TAB2: variants seen among roughly 807,000 people sequenced by gnomAD.
The protein encoded by TAB2 is TGF-beta-activated kinase 1 and MAP3K7-binding protein 2.
Under a neutral mutation model 65.0 loss-of-function variants are expected in TAB2, and 3 were observed. That is an observed-to-expected ratio of 0.05 (90% CI 0.02 to 0.12). TAB2 has a LOEUF of 0.12. TAB2 is among the 10% of genes least tolerant of loss of function. The pLI, the probability that TAB2 is intolerant of heterozygous loss-of-function variation, is 1.00. For missense variants in TAB2, 623 were observed against 840.3 expected (o/e 0.74, Z 3.20); for synonymous variants, 298 against 285.1 (o/e 1.05, Z -0.46).
chr6:149,252,860 A>G (rs1777888852), intron 1 of TAB2, among the ~76,000 whole-genome samples: 1 of 152,202 alleles, frequency 6.6e-6, no homozygotes, highest in Admixed American at 6.5e-5. Flanking sequence ...CACTTGCCCT[A>G]TTTCTCTTCC....
In TAB2 at chr6:149,377,998, A is replaced by G; in HGVS notation, c.103-20A>G. On this transcript the variant is annotated intron_variant, in intron 2 of 6. Transcript: ENST00000637181. ...TCGCTTCTGATTGTTAACATCAATC[A>G]ATTTATTTTGTTTTCATAGAATAAT... 1 of 1,604,578 alleles carries G rather than the reference A, an allele frequency of 6.2e-7. No individual in the cohort carries two copies. Among genetic ancestry groups the G allele is most frequent in the Non-Finnish European group, 8.5e-7 (1 of 1,172,288 alleles).
intron 1 of TAB2, among the ~76,000 whole-genome samples, chr6:149,264,764 T>C (rs943424534): frequency 3.3e-5 from 5 of 152,206 alleles, no homozygotes; most frequent in Non-Finnish European, 7.3e-5. Flanking sequence ...AATGTTTGCA[T>C]GGCAGCCACC....
intron 1 of TAB2, among the ~76,000 whole-genome samples, chr6:149,362,817 A>G (rs1780895547): frequency 6.6e-6 from 1 of 152,118 alleles, no homozygotes; most frequent in Non-Finnish European, 1.5e-5. Context: ...TTTAATATCA[A>G]GGCAGCTTGT....
intron 1 of TAB2, among the ~76,000 whole-genome samples, chr6:149,330,095 CT>C (rs113491144): frequency 2.5e-4 from 37 of 149,188 alleles, no homozygotes; most frequent in African/African-American, 3.4e-4. Context: ...GAGATGGGCT[CT>C]TTTTTTTTTC....
At chr6:149,285,288 C>T (rs1425077494) in intron 1 of TAB2, among the ~76,000 whole-genome samples, 1 of 152,088 alleles carries the variant, frequency 6.6e-6, no homozygotes, top group African/African-American at 2.4e-5. Context: ...AGCAGGGGAC[C>T]CCTGGGGGTA....
rs527673677 is a variant in TAB2 at position 149,368,130 on chromosome 6, G to A, written c.-89-1779G>A. Among the ~76,000 whole-genome samples, 20 of 152,214 alleles carry A rather than the reference G, an allele frequency of 1.3e-4. No homozygotes were observed. In the East Asian group the frequency reaches 3.5e-3, roughly 26 times the overall value. Reference sequence around the variant, plus strand: ...ACCAACATTCAGATGTCCAGAAAAGGAAAAGGATCCAGCAAAGTAAACTGA... The same window carrying A: ...ACCAACATTCAGATGTCCAGAAAAGAAAAAGGATCCAGCAAAGTAAACTGA... On this transcript the variant is annotated intron_variant, in intron 1 of 6. Coordinates refer to ENST00000637181, the MANE Select transcript of TAB2 (RefSeq NM_001292034.3).
intron 1 of TAB2, among the ~76,000 whole-genome samples, chr6:149,260,739 T>C (rs1220096023): frequency 6.6e-6 from 1 of 152,120 alleles, no homozygotes; most frequent in Admixed American, 6.6e-5. Flanking sequence ...GCCTGCTGGG[T>C]GCTGAAAGTG....
chr6:149,243,380 C>T (rs1421174915), intron 1 of TAB2: 1 of 152,176 alleles, frequency 6.6e-6, no homozygotes, highest in African/African-American at 2.4e-5. Flanking sequence ...GACAGGTCTT[C>T]AAGTAATCTC....
At chr6:149,361,368 G>A (rs1375701873) in intron 1 of TAB2, among the ~76,000 whole-genome samples, 1 of 152,212 alleles carries the variant, frequency 6.6e-6, no homozygotes, top group Non-Finnish European at 1.5e-5. Flanking sequence ...CAAGGTTTAA[G>A]GTGGCATACA....
At chr6:149,236,879 A>G (rs1338107123) in intron 1 of TAB2, among the ~76,000 whole-genome samples, 4 of 152,224 alleles carry the variant, frequency 2.6e-5, no homozygotes, top group Non-Finnish European at 5.9e-5. Context: ...CCAGTCAGCC[A>G]GAAGCAATTT....
At chr6:149,409,368 A>G (rs938059703) in intron 6 of TAB2, among the ~76,000 whole-genome samples, 1 of 152,130 alleles carries the variant, frequency 6.6e-6, no homozygotes, top group Non-Finnish European at 1.5e-5. Flanking sequence ...AGGTGATTAC[A>G]TCATGTTCAT....
At chr6:149,334,128 A>G (rs1482126195) in intron 1 of TAB2, among the ~76,000 whole-genome samples, 1 of 152,174 alleles carries the variant, frequency 6.6e-6, no homozygotes, top group Non-Finnish European at 1.5e-5. Flanking sequence ...CATTTTTGTT[A>G]TAACTCTTCA....
intron 1 of TAB2, among the ~76,000 whole-genome samples, chr6:149,235,913 C>T (rs2114637326): frequency 6.6e-6 from 1 of 152,304 alleles, no homozygotes; most frequent in African/African-American, 2.4e-5. Flanking sequence ...CAAACCCAGG[C>T]TGGCTCTAGT....
intron 1 of TAB2, among the ~76,000 whole-genome samples, chr6:149,335,884 T>C (rs1779919406): frequency 6.6e-6 from 1 of 152,150 alleles, no homozygotes; most frequent in South Asian, 2.1e-4. Context: ...CAATATATTA[T>C]GTATATTGTG....
At chr6:149,392,126 AT>A (rs1243910052) in intron 3 of TAB2, among the ~76,000 whole-genome samples, 3 of 75,886 alleles carry the variant, frequency 4.0e-5, no homozygotes, top group Non-Finnish European at 2.4e-5. Flanking sequence ...ATCAGATTTT[AT>A]TTTTTTTTGG....
chr6:149,378,592 C>G lies in TAB2; in HGVS notation c.677C>G (p.Thr226Ser). 1 of 1,613,714 alleles carries G rather than the reference C, an allele frequency of 6.2e-7. No homozygotes were observed. The highest frequency in any genetic ancestry group is 1.1e-5 in the South Asian group (1 of 91,092). ...TACATTACAACTCCTGGTGGTACAA[C>G]TCGACAGACACAACAGCATTCTGGC... ...RPYITTPGGTTRQTQQHSGWV... is the reference protein window; with the variant it reads ...RPYITTPGGTSRQTQQHSGWV... Residue 226 changes from threonine to serine, a missense_variant, in exon 3 of 7, where the codon ACT (threonine) becomes AGT (serine). By Grantham distance (58) the Thr-to-Ser change is moderately conservative. Transcript: ENST00000637181.
intron 1 of TAB2, chr6:149,244,412 C>A (rs1418731846): frequency 6.6e-6 from 1 of 152,234 alleles, no homozygotes; most frequent in Non-Finnish European, 1.5e-5. Flanking sequence ...GTGAAGTTTA[C>A]CAGAACATAG....
intron 1 of TAB2, among the ~76,000 whole-genome samples, chr6:149,358,817 A>T (rs1377863680): frequency 6.6e-6 from 1 of 150,410 alleles, no homozygotes; most frequent in African/African-American, 2.5e-5. Flanking sequence ...TTTCTCTTCC[A>T]TATATTCCAT....
chr6:149,287,773 G>A (rs1778704116), intron 1 of TAB2, among the ~76,000 whole-genome samples: 1 of 152,148 alleles, frequency 6.6e-6, no homozygotes, highest in African/African-American at 2.4e-5. Flanking sequence ...GAGAAATTCA[G>A]GAAAAGGCAG....
Sources: allele counts gnomAD v4.1 joint callset (sites outside exome capture counted in the v4.1 genomes callset), GRCh38; gene constraint gnomAD v4.1.1; transcripts MANE v1.5; gene names NCBI Gene and HGNC (gene_info 2026-07-23, HGNC 2026-07-21).